The following UBR4 variants were observed in gnomAD, a reference collection of about 807,000 sequenced individuals.
UBR4 encodes the protein ubiquitin protein ligase E3 component n-recognin 4, also known as E3 ubiquitin-protein ligase UBR4.
A neutral mutation model predicts 575.6 loss-of-function variants in UBR4; 124 were observed. The ratio of observed to expected loss-of-function variants is 0.22; its 90% CI spans 0.19 to 0.25. The LOEUF is 0.25. Among genes scored for constraint, UBR4 ranks in the 10% least tolerant of loss-of-function variants. The pLI is 1.00. For missense variants in UBR4, 4,818 were observed against 6,478.8 expected (o/e 0.74, Z 8.80); for synonymous variants, 2,455 against 2,473.7 (o/e 0.99, Z 0.22).
chr1:19,188,434 G>A (rs1490341519), intron 11 of UBR4, among the ~76,000 whole-genome samples: 1 of 152,112 alleles, frequency 6.6e-6, no homozygotes, highest in Non-Finnish European at 1.5e-5. Flanking sequence ...CACACCTGTG[G>A]TGCCAGCTAC....
At chr1:19,184,274 A>G (rs2091310136) in intron 15 of UBR4, 99 bp from the exon 16 acceptor site, 1 of 1,276,686 alleles carries the variant, frequency 7.8e-7, no homozygotes, top group Non-Finnish European at 1.1e-6. Context: ...GCTCATAGGT[A>G]TCCTGCAATA....
chr1:19,134,093 A>T (rs2082896016), intron 60 of UBR4, among the ~76,000 whole-genome samples: 1 of 149,976 alleles, frequency 6.7e-6, no homozygotes, highest in Non-Finnish European at 1.5e-5. Flanking sequence ...CTCTAAAAAA[A>T]AAAAAAAAAA....
rs532540160 is a variant in UBR4 at position 19,080,891 on chromosome 1, G to T, written c.15233+458C>A. 9.5e-5 allele frequency: 15 copies of T among 158,258 alleles called. No individual in the cohort carries two copies. The South Asian group carries it at 2.4e-3, about 25-fold the overall frequency. The allele number at this position is 158,258 out of a possible 1,614,324, so 9.8% of individuals were successfully genotyped here. Reference sequence around the variant, plus strand: ...TAGGAGAGTGGTCTAGAGGAAGAAAGGTTCATGGAATGTGGGACGCATGGG... The same window carrying T: ...TAGGAGAGTGGTCTAGAGGAAGAAATGTTCATGGAATGTGGGACGCATGGG... On this transcript the variant is annotated intron_variant, in intron 103 of 105. Coordinates refer to ENST00000375254, the MANE Select transcript of UBR4 (RefSeq NM_020765.3).
chr1:19,192,617 A>G, intron 9 of UBR4, 77 bp from the exon 10 acceptor site: 1 of 1,516,986 alleles, frequency 6.6e-7, no homozygotes, highest in Non-Finnish European at 9.1e-7. Context: ...CTACCCAAAC[A>G]ATTTAACTTG....
At chr1:19,207,341 C>A (rs555485459) in intron 1 of UBR4, among the ~76,000 whole-genome samples, 8 of 152,178 alleles carry the variant, frequency 5.3e-5, no homozygotes, top group Non-Finnish European at 1.0e-4. Flanking sequence ...ATAAATAAAA[C>A]CTTTGGGCTG....
intron 63 of UBR4, 23 bp downstream of exon 63, chr1:19,127,600 C>T (rs775832330): frequency 2.5e-6 from 4 of 1,599,702 alleles, no homozygotes; most frequent in African/African-American, 2.7e-5. Flanking sequence ...TTCCCCAAAC[C>T]CATGAACCCA....
chr1:19,174,447 C>T lies in UBR4; in HGVS notation c.2854G>A (p.Ala952Thr). The change falls in exon 22 of 106, where the codon GCA becomes ACA. Residue 952 changes from alanine to threonine, a missense_variant and splice_region_variant. Transcript: ENST00000375254. ...AGCTTGGAGAAAAGGACGTCACATG[C>T]CTGACATCAAGAAAGAAAGAGAGTC... ...EDDLNRLDSV[A>T]CDVLFSKLVK... 2 of 1,607,834 alleles carry T rather than the reference C, an allele frequency of 1.2e-6. No homozygotes were observed. Among genetic ancestry groups the T allele is most frequent in the South Asian group, 2.2e-5 (2 of 90,932 alleles).
chr1:19,082,136 T>G, intron 102 of UBR4: 1 of 268,392 alleles, frequency 3.7e-6, no homozygotes, highest in Admixed American at 4.8e-5. Flanking sequence ...TCTAGGATCC[T>G]CCCGCCTTCG....
At chr1:19,095,080 C>T in intron 93 of UBR4, 55 bp from the exon 94 acceptor site, 1 of 1,612,928 alleles carries the variant, frequency 6.2e-7, no homozygotes, top group Non-Finnish European at 8.5e-7. Flanking sequence ...CCACTAACTG[C>T]TGAGGACAAT....
intron 35 of UBR4, among the ~76,000 whole-genome samples, chr1:19,162,211 C>T (rs1330310639): frequency 6.6e-6 from 1 of 152,220 alleles, no homozygotes; most frequent in Non-Finnish European, 1.5e-5. Context: ...GGACAAGTGA[C>T]TCTGGAAAAA....
At chr1:19,145,028 ACACT>A (rs1363940815) in intron 53 of UBR4, 121 bp from the exon 54 acceptor site, 2 of 1,067,748 alleles carry the variant, frequency 1.9e-6, no homozygotes, top group Non-Finnish European at 1.4e-6. Flanking sequence ...AAAATGACAA[ACACT>A]CACATACACA....
intron 29 of UBR4, 78 bp from the exon 30 acceptor site, chr1:19,165,835 C>G: frequency 1.5e-6 from 2 of 1,300,010 alleles, no homozygotes; most frequent in Non-Finnish European, 2.1e-6. Flanking sequence ...TTATTAAAAT[C>G]CAAAGTTTGT....
At chr1:19,132,328 C>T (rs1236628231) in intron 60 of UBR4, among the ~76,000 whole-genome samples, 1 of 151,664 alleles carries the variant, frequency 6.6e-6, no homozygotes, top group Admixed American at 6.6e-5. Context: ...ATTACAGGTG[C>T]ACGCCACCAC....
chr1:19,202,008 T>C (rs757486042), intron 1 of UBR4, among the ~76,000 whole-genome samples, 193 bp from the exon 2 acceptor site: 2 of 151,964 alleles, frequency 1.3e-5, no homozygotes, highest in Admixed American at 6.5e-5. Flanking sequence ...GCTTGGCCAG[T>C]ATGGTGAAAA....
At chr1:19,095,100 G>A in intron 93 of UBR4, 75 bp from the exon 94 acceptor site, 1 of 1,606,892 alleles carries the variant, frequency 6.2e-7, no homozygotes, top group Non-Finnish European at 8.5e-7. Flanking sequence ...TTGCTCTCAA[G>A]GATGCCCTCA....
Position 19,113,755 on chromosome 1 carries a change from G to A in UBR4, c.11401C>T (p.Gln3801Ter). Residue 3801 changes from glutamine (Q) to a stop codon, truncating the protein, a stop_gained, in exon 77 of 106, where the codon CAG (glutamine) becomes TAG (stop). Coordinates refer to ENST00000375254, the MANE Select transcript of UBR4 (RefSeq NM_020765.3). LOFTEE classifies it high-confidence loss of function. ...SVNRYILQLA[Q>*]EYCGDCKNSF... ...TTCTTGCAGTCTCCACAATACTCCT[G>A]AGCCAACTGCAGGATGTAACGATTC... The A allele has an allele frequency of 6.2e-7, 1 of 1,614,178 alleles. No individual in the cohort carries two copies.
At chr1:19,101,464 T>G in intron 88 of UBR4, 56 bp downstream of exon 88, 1 of 1,553,576 alleles carries the variant, frequency 6.4e-7, no homozygotes, top group Non-Finnish European at 8.8e-7. Context: ...AGAGGCTTCA[T>G]GGCAAAGTGG....
chr1:19,151,943 A>C, intron 47 of UBR4, 84 bp from the exon 48 acceptor site: 1 of 1,246,546 alleles, frequency 8.0e-7, no homozygotes, highest in Non-Finnish European at 1.1e-6. Context: ...ACATTGTCTC[A>C]ACATGTGAAG....
chr1:19,087,640 G>A (rs2077143611), intron 99 of UBR4, among the ~76,000 whole-genome samples, 176 bp downstream of exon 99: 1 of 152,202 alleles, frequency 6.6e-6, no homozygotes, highest in Admixed American at 6.5e-5. Context: ...TCTAAAGTTC[G>A]GATGAGCTCG....
Sources: gnomAD v4.1 joint callset for allele counts (sites outside exome capture counted in the v4.1 genomes callset) on GRCh38, gnomAD v4.1.1 for gene constraint, MANE v1.5 for transcripts, NCBI Gene and HGNC (gene_info 2026-07-23, HGNC 2026-07-21) for gene names.